The following PCSK5 variants were observed in gnomAD, a reference collection of about 807,000 sequenced individuals.
The protein encoded by PCSK5 is prohormone convertase 5.
In PCSK5, 129 loss-of-function variants were observed where a neutral mutation model predicts 233.2. That is an observed-to-expected ratio of 0.55 (90% CI 0.48 to 0.64). The LOEUF (loss-of-function observed/expected upper bound fraction) is 0.64, where lower values mean the gene tolerates loss of function less well. Ranked by LOEUF, PCSK5 falls within the 30% of genes least tolerant of loss-of-function variation. The pLI, the probability that PCSK5 is intolerant of heterozygous loss-of-function variation, is 0.00. For missense variants in PCSK5, 2,076 were observed against 2,430.1 expected, an observed-to-expected ratio of 0.85 and a Z score of 3.06; for synonymous variants, 825 against 879.2, an observed-to-expected ratio of 0.94 and a Z score of 1.09.
chr9:75,918,083 TTAA>T (rs1823082667), intron 1 of PCSK5, among the ~76,000 whole-genome samples: 2 of 152,248 alleles, frequency 1.3e-5, no homozygotes, highest in South Asian at 4.1e-4. Flanking sequence ...GTGAACATTA[TTAA>T]TGTTTTTCAT....
rs143510245 is a variant in PCSK5, at chr9:76,088,662, G to A, written c.895-7228G>A. Reference sequence around the variant, plus strand: ...CCCTAACCTCAGCTCCATCTTACTCGGATGAACTGATTGAAAAAACAAGTC... The same window carrying A: ...CCCTAACCTCAGCTCCATCTTACTCAGATGAACTGATTGAAAAAACAAGTC... On this transcript the variant is annotated intron_variant, in intron 7 of 37. Coordinates refer to ENST00000674117, the MANE Select transcript of PCSK5 (RefSeq NM_001372043.1). Among the ~76,000 whole-genome samples, 1,139 of 152,100 alleles carry A rather than the reference G, an allele frequency of 7.5e-3. 13 individuals are homozygous for A. Among genetic ancestry groups the A allele is most frequent in the African/African-American group, 0.026 (1,075 of 41,500 alleles).
intron 3 of PCSK5, among the ~76,000 whole-genome samples, chr9:76,018,932 C>A (rs950280929): frequency 6.6e-6 from 1 of 152,190 alleles, no homozygotes; most frequent in Non-Finnish European, 1.5e-5. Context: ...TATCTACCCT[C>A]ATCTGAATTT....
intron 34 of PCSK5, among the ~76,000 whole-genome samples, chr9:76,335,520 G>A (rs1356944570): frequency 6.6e-6 from 1 of 152,136 alleles, no homozygotes. Context: ...ACTCAGAGAA[G>A]TTTCTTTAAA....
intron 24 of PCSK5, among the ~76,000 whole-genome samples, chr9:76,246,987 G>T (rs1399046613): frequency 6.6e-6 from 1 of 152,176 alleles, no homozygotes; most frequent in Non-Finnish European, 1.5e-5. Flanking sequence ...ACGGAATCTT[G>T]CGCCATGAGG....
chr9:76,109,806 T>C (rs1291342469), intron 9 of PCSK5, among the ~76,000 whole-genome samples: 1 of 152,202 alleles, frequency 6.6e-6, no homozygotes, highest in Non-Finnish European at 1.5e-5. Flanking sequence ...TCTTTGCCTG[T>C]AAAGTGAAGC....
intron 28 of PCSK5, among the ~76,000 whole-genome samples, chr9:76,303,452 T>C (rs981531174): frequency 7.9e-5 from 12 of 152,308 alleles, no homozygotes; most frequent in East Asian, 5.8e-4. Context: ...TTAAAACTTA[T>C]ACAAATATGA....
chr9:76,031,983 A>C (rs1828671124), intron 5 of PCSK5, among the ~76,000 whole-genome samples: 1 of 152,116 alleles, frequency 6.6e-6, no homozygotes, highest in Admixed American at 6.5e-5. Flanking sequence ...CAGGGTTAGA[A>C]GTTGAGATAG....
rs34398269 is a variant in PCSK5 at position 76,273,576 on chromosome 9, C to CATATATATAT, written c.3143-18646_3143-18637dup. Among the ~76,000 whole-genome samples the CATATATATAT allele has an allele frequency of 2.2e-3, 255 of 118,142 alleles. 5 individuals carry two copies. Among genetic ancestry groups the CATATATATAT allele is most frequent in the African/African-American group, 7.6e-3 (248 of 32,756 alleles). The allele number at this position is 118,142 out of a possible 152,430, so 77.5% of individuals were successfully genotyped here. On this transcript the variant is annotated intron_variant, in intron 24 of 37. Transcript: ENST00000674117. ...TTAACAAAATAGTAATATATATATA[C>CATATATATAT]ATATATATATATATATATATTTGTA... is the stretch of plus-strand genomic sequence containing the variant.
intron 2 of PCSK5, among the ~76,000 whole-genome samples, chr9:75,982,625 G>A (rs932957583): frequency 6.6e-6 from 1 of 152,000 alleles, no homozygotes. Context: ...ATCTTTTGCT[G>A]CTTTTCCTGT....
At chr9:76,115,608 C>A (rs932601805) in intron 9 of PCSK5, among the ~76,000 whole-genome samples, 2 of 151,918 alleles carry the variant, frequency 1.3e-5, no homozygotes, top group Admixed American at 6.6e-5. Context: ...TATGGTAACA[C>A]CCCAAATACC....
chr9:76,154,308 C>A (rs1320841257), intron 10 of PCSK5, among the ~76,000 whole-genome samples: 1 of 152,156 alleles, frequency 6.6e-6, no homozygotes, highest in African/African-American at 2.4e-5. Context: ...GAAAAGGAAA[C>A]AAATTTATGG....
intron 24 of PCSK5, among the ~76,000 whole-genome samples, chr9:76,273,596 T>TATATATATATA (rs397822892): frequency 6.9e-5 from 10 of 145,128 alleles, no homozygotes; most frequent in East Asian, 2.0e-4. Flanking sequence ...TATATATATA[T>TATATATATATA]TTGTACTGCT....
chr9:76,159,281 G>A (rs556135347), intron 12 of PCSK5, 110 bp downstream of exon 12: 8 of 924,396 alleles, frequency 8.7e-6, no homozygotes, highest in South Asian at 8.5e-5. Context: ...ACCAGCAGAG[G>A]GGGTGCTTAG....
chr9:76,120,623 T>G (rs66539252), intron 9 of PCSK5, among the ~76,000 whole-genome samples: 23,470 of 151,998 alleles, frequency 0.15, 1,945 homozygotes, highest in Middle Eastern at 0.28. Context: ...GCCATTATTT[T>G]TATATGTTTT....
chr9:75,926,523 C>G (rs1054130857), intron 1 of PCSK5, among the ~76,000 whole-genome samples: 1 of 152,150 alleles, frequency 6.6e-6, no homozygotes, highest in African/African-American at 2.4e-5. Context: ...CAGCACACAC[C>G]TTTGCACTTT....
In PCSK5 at chr9:76,188,638, C is replaced by A; in HGVS notation, c.2343C>A (p.Asp781Glu). The A allele has an allele frequency of 6.2e-7, 1 of 1,613,782 alleles. No homozygotes were observed. The highest frequency in any genetic ancestry group is 8.5e-7 in the Non-Finnish European group (1 of 1,179,692). Residue 781 changes from aspartate (D) to glutamate (E), a missense_variant, in exon 18 of 38, where the codon GAC becomes GAA. By Grantham distance (45) the Asp-to-Glu change is conservative. This residue lies in a region of PCSK5 where 1,510 missense variants were observed against 1,538.1 expected (regional missense o/e 0.98). Coordinates refer to ENST00000674117, the MANE Select transcript of PCSK5 (RefSeq NM_001372043.1). ...CEDGRYFNGQ[D>E]CQPCHRFCAT... ...ATGGACGGTATTTCAACGGCCAGGA[C>A]TGCCAGCCCTGCCACCGCTTCTGCG...
chr9:76,085,772 C>T (rs1178715192), intron 7 of PCSK5, among the ~76,000 whole-genome samples: 4 of 152,218 alleles, frequency 2.6e-5, no homozygotes, highest in Non-Finnish European at 5.9e-5. Context: ...CCATGCTGGG[C>T]TCTAGATGAG....
chr9:76,205,265 C>T (rs532103348), intron 20 of PCSK5: 8 of 518,688 alleles, frequency 1.5e-5, no homozygotes, highest in Middle Eastern at 3.2e-4. Flanking sequence ...GTGTAAAACA[C>T]GATGATCCAG....
chr9:76,155,758 G>A (rs1822548137), intron 10 of PCSK5, among the ~76,000 whole-genome samples: 3 of 152,184 alleles, frequency 2.0e-5, no homozygotes, highest in African/African-American at 7.2e-5. Flanking sequence ...AATGTCTTTT[G>A]ACTATTTCAT....
Sources: gnomAD v4.1 joint callset for allele counts (sites outside exome capture counted in the v4.1 genomes callset) on GRCh38, gnomAD v4.1.1 for gene constraint, gnomAD v4.1.1 regional missense constraint, MANE v1.5 for transcripts, NCBI Gene and HGNC (gene_info 2026-07-23, HGNC 2026-07-21) for gene names.